AKAP12: variants seen among roughly 807,000 people sequenced by gnomAD.
AKAP12 encodes the protein A-kinase anchor protein 12.
AKAP12 carries 32 observed loss-of-function variants against 79.9 expected under a neutral mutation model. That is an observed-to-expected ratio of 0.40 (90% confidence interval 0.30 to 0.54). The LOEUF is 0.54. Among genes scored for constraint, AKAP12 ranks in the 20% least tolerant of loss-of-function variants. The pLI, the probability that AKAP12 is intolerant of heterozygous loss-of-function variation, is 0.48. For synonymous variants in AKAP12, 808 were observed against 857.0 expected (o/e 0.94, Z 1.00); for missense variants, 2,074 against 2,177.0 (o/e 0.95, Z 0.94).
intron 2 of AKAP12, among the ~76,000 whole-genome samples, chr6:151,258,304 G>A (rs1797342210): frequency 6.6e-6 from 1 of 152,202 alleles, no homozygotes; most frequent in African/African-American, 2.4e-5. Context: ...TCACGAGTTT[G>A]TTGCTTTTTA....
intron 3 of AKAP12, among the ~76,000 whole-genome samples, chr6:151,328,841 T>G (rs1777601113): frequency 6.6e-6 from 1 of 152,158 alleles, no homozygotes. Flanking sequence ...GGAACAAGTT[T>G]GCATTTCTGA....
At chr6:151,325,171 T>A in intron 3 of AKAP12, 2 of 985,370 alleles carry the variant, frequency 2.0e-6, no homozygotes, top group Non-Finnish European at 2.4e-6. Context: ...GCAACGTGTG[T>A]GTATGCGTAA....
At chr6:151,304,244 C>T (rs1582868787) in intron 2 of AKAP12, among the ~76,000 whole-genome samples, 1 of 151,854 alleles carries the variant, frequency 6.6e-6, no homozygotes, top group Non-Finnish European at 1.5e-5. Flanking sequence ...AATCCTAGCA[C>T]TTTGGGAGGC....
At chr6:151,284,506 T>C (rs1776463205) in intron 2 of AKAP12, among the ~76,000 whole-genome samples, 1 of 152,160 alleles carries the variant, frequency 6.6e-6, no homozygotes, top group East Asian at 1.9e-4. Flanking sequence ...TGTGCGCCTG[T>C]AGTCCCAGCT....
chr6:151,248,858 G>A (rs1311833398), intron 2 of AKAP12, among the ~76,000 whole-genome samples: 1 of 151,966 alleles, frequency 6.6e-6, no homozygotes, highest in Non-Finnish European at 1.5e-5. Flanking sequence ...ATGGTGGTGT[G>A]TACCTGTAAT....
Position 151,348,944 on chromosome 6 carries a change from G to A in AKAP12, c.553G>A (p.Val185Met), listed in dbSNP as rs1778191471. ...VFKFVGFKFT[V>M]KKDKTEKPDT... ...TAAGTTTGTTGGCTTTAAATTCACT[G>A]TGAAAAAGGATAAGACAGAGAAGCC... Residue 185 changes from valine to methionine, a missense_variant, in exon 4 of 5, where the codon GTG becomes ATG. Transcript: ENST00000402676. 2 of 1,613,874 alleles carry A rather than the reference G, an allele frequency of 1.2e-6. No individual in the cohort carries two copies. The highest frequency in any genetic ancestry group is 1.7e-6 in the Non-Finnish European group (2 of 1,180,008).
Position 151,325,127 on chromosome 6 carries a change from A to G in AKAP12, c.319+19224A>G, listed in dbSNP as rs546217697. On this transcript the variant is annotated intron_variant, in intron 3 of 4. Transcript: ENST00000402676. ...GCCCTTCTCAAAGAGTTTAGGAAAC[A>G]GCACTACTGAGAGTTGCCAGTCTTC... is the stretch of plus-strand genomic sequence containing the variant. The G allele has an allele frequency of 1.2e-4, 122 of 985,488 alleles. No individual in the cohort carries two copies. The African/African-American group carries it at 1.9e-3, about 15-fold the overall frequency. The allele number at this position is 985,488 out of a possible 1,614,324, so 61.0% of individuals were successfully genotyped here.
At chr6:151,263,208 A>G (rs1797471648) in intron 2 of AKAP12, among the ~76,000 whole-genome samples, 1 of 151,886 alleles carries the variant, frequency 6.6e-6, no homozygotes, top group Non-Finnish European at 1.5e-5. Context: ...GCTAATTTAT[A>G]CATTTTTTGA....
chr6:151,339,976 G>A (rs1478206505), intron 3 of AKAP12, among the ~76,000 whole-genome samples: 1 of 151,702 alleles, frequency 6.6e-6, no homozygotes. Flanking sequence ...GCCCAGGCTG[G>A]AGTGCAGTGG....
Position 151,350,975 on chromosome 6 carries a change from G to A in AKAP12, c.2584G>A (p.Ala862Thr). ...YDAVEREKME[A>T]QQAQKSAEQP... Reference sequence around the variant, plus strand: ...TGCTGTAGAAAGGGAGAAAATGGAGGCACAGCAAGCCCAAAAAAGCGCAGA... The same window carrying A: ...TGCTGTAGAAAGGGAGAAAATGGAGACACAGCAAGCCCAAAAAAGCGCAGA... Residue 862 changes from alanine (A) to threonine (T), a missense_variant, in exon 4 of 5, where the codon GCA (alanine) becomes ACA (threonine). Transcript: ENST00000402676. The surrounding 1 kb of genome is among the most constrained non-coding windows in gnomAD (Gnocchi z 4.8). 6.2e-7 allele frequency: 1 copy of A among 1,613,988 alleles called. No homozygotes were observed. The highest frequency in any genetic ancestry group is 8.5e-7 in the Non-Finnish European group (1 of 1,180,012).
rs1248310368 is a variant in AKAP12, at chr6:151,348,315, ACT to A, written c.320-393_320-392del. 8 of 425,542 alleles carry A rather than the reference ACT, an allele frequency of 1.9e-5. 1 individual carries two copies. Among genetic ancestry groups the A allele is most frequent in the Non-Finnish European group, 3.7e-5 (8 of 215,404 alleles). The allele number at this position is 425,542 out of a possible 1,614,324, so 26.4% of individuals were successfully genotyped here. The stretch of plus-strand genomic sequence containing the variant: ...GCTCCAGCCTGGGCGACAGAGTGAG[ACT>A]CTGTCTCAAAAAAAAAAAAAAAAAA... On this transcript the variant is annotated intron_variant, in intron 3 of 4. Transcript: ENST00000402676.
At chr6:151,320,665 C>T (rs912439867) in intron 3 of AKAP12, among the ~76,000 whole-genome samples, 2 of 152,124 alleles carry the variant, frequency 1.3e-5, no homozygotes, top group Admixed American at 6.5e-5. Context: ...ACTTTGGACT[C>T]CTCCCTCACC....
At chr6:151,312,856 G>A (rs1051791403) in intron 3 of AKAP12, among the ~76,000 whole-genome samples, 2 of 151,708 alleles carry the variant, frequency 1.3e-5, no homozygotes, top group Admixed American at 1.3e-4. Flanking sequence ...TTCGGAGGGT[G>A]GTCCATGGCA....
At chr6:151,338,506 A>C (rs1187458996) in intron 3 of AKAP12, among the ~76,000 whole-genome samples, 2 of 144,408 alleles carry the variant, frequency 1.4e-5, no homozygotes, top group East Asian at 4.1e-4. Context: ...CCCAGGATGG[A>C]GTGTAGTGGC....
At chr6:151,311,546 C>G (rs1241577887) in intron 3 of AKAP12, among the ~76,000 whole-genome samples, 2 of 152,048 alleles carry the variant, frequency 1.3e-5, no homozygotes, top group Non-Finnish European at 2.9e-5. Flanking sequence ...GAAACAAAAA[C>G]CCTCAAAATG....
intron 2 of AKAP12, among the ~76,000 whole-genome samples, chr6:151,292,154 G>C (rs899967398): frequency 6.6e-6 from 1 of 152,166 alleles, no homozygotes; most frequent in Non-Finnish European, 1.5e-5. Flanking sequence ...CAAATATTTG[G>C]AGTTGAACAT....
intron 2 of AKAP12, among the ~76,000 whole-genome samples, chr6:151,247,142 C>T (rs1273433488): frequency 1.3e-5 from 2 of 151,742 alleles, no homozygotes; most frequent in Non-Finnish European, 2.9e-5. Context: ...GGGGCTCACA[C>T]CTGTAATCTC....
At chr6:151,295,676 T>A (rs1776709886) in intron 2 of AKAP12, among the ~76,000 whole-genome samples, 1 of 152,258 alleles carries the variant, frequency 6.6e-6, no homozygotes, top group African/African-American at 2.4e-5. Flanking sequence ...ATGACAAAGC[T>A]GGTCTAACCA....
At chr6:151,322,965 T>A (rs942639639) in intron 3 of AKAP12, among the ~76,000 whole-genome samples, 1 of 152,252 alleles carries the variant, frequency 6.6e-6, no homozygotes, top group African/African-American at 2.4e-5. Flanking sequence ...TGGGTGGTGA[T>A]GTCTTCCTCT....
Sources: allele counts gnomAD v4.1 joint callset (sites outside exome capture counted in the v4.1 genomes callset), GRCh38; gene constraint gnomAD v4.1.1; non-coding constraint Gnocchi (gnomAD v3.1); transcripts MANE v1.5; gene names NCBI Gene and HGNC (gene_info 2026-07-23, HGNC 2026-07-21).